Variants in CMPK2 observed in about 807,000 individuals in gnomAD.
The protein encoded by CMPK2 is UMP-CMP kinase 2, mitochondrial.
CMPK2 carries 32 observed loss-of-function variants against 33.4 expected under a neutral mutation model. The ratio of observed to expected loss-of-function variants is 0.96; its 90% CI spans 0.72 to 1.29. The LOEUF (loss-of-function observed/expected upper bound fraction) is 1.29, where lower values mean the gene tolerates loss of function less well. Among genes scored for constraint, CMPK2 ranks in the 50% most tolerant of loss-of-function variants. CMPK2 has a pLI of 0.00. For missense variants in CMPK2, 672 were observed against 616.0 expected, an observed-to-expected ratio of 1.09 and a Z score of -0.96; for synonymous variants, 299 against 275.3, an observed-to-expected ratio of 1.09 and a Z score of -0.85.
At chr2:6,845,506 C>G (rs533943171), downstream of CMPK2, among the ~76,000 whole-genome samples, 2 of 152,166 alleles carry the variant, frequency 1.3e-5, no homozygotes, top group Non-Finnish European at 2.9e-5. Context: ...ATCATAGGTG[C>G]CGCCCCATGG....
At chr2:6,843,654 C>A (rs1662285254), downstream of CMPK2, among the ~76,000 whole-genome samples, 2 of 152,148 alleles carry the variant, frequency 1.3e-5, no homozygotes. Context: ...AGGATGGTGG[C>A]TCCCATATGG....
At chr2:6,862,454 C>T (rs1479739460) in intron 2 of CMPK2, among the ~76,000 whole-genome samples, 1 of 152,224 alleles carries the variant, frequency 6.6e-6, no homozygotes, top group African/African-American at 2.4e-5. Flanking sequence ...CTCCTTGTAA[C>T]ATTTGTATGT....
chr2:6,862,935 CAT>C (rs1468914382), intron 2 of CMPK2, among the ~76,000 whole-genome samples: 1 of 152,178 alleles, frequency 6.6e-6, no homozygotes, highest in Non-Finnish European at 1.5e-5. Flanking sequence ...ACTTTGGTCT[CAT>C]GTGAGCACAC....
chr2:6,858,383 G>A (rs1391556200), intron 3 of CMPK2, among the ~76,000 whole-genome samples: 2 of 151,934 alleles, frequency 1.3e-5, no homozygotes, highest in Non-Finnish European at 2.9e-5. Flanking sequence ...ATTATTTTAT[G>A]TATTTGTTCA....
chr2:6,856,837 C>A (rs981965742), intron 3 of CMPK2, among the ~76,000 whole-genome samples: 14 of 152,222 alleles, frequency 9.2e-5, no homozygotes, highest in African/African-American at 3.4e-4. Context: ...ATGCATTGCA[C>A]AACATATTTA....
At chr2:6,866,334 C>T (rs1329503017), upstream of CMPK2, 1 of 669,972 alleles carries the variant, frequency 1.5e-6, no homozygotes, top group African/African-American at 2.0e-5. Context: ...CCTGCGGGAA[C>T]AGGGCGCAGT....
At chr2:6,845,681 A>G (rs1200152957), downstream of CMPK2, among the ~76,000 whole-genome samples, 3 of 152,238 alleles carry the variant, frequency 2.0e-5, no homozygotes, top group African/African-American at 7.2e-5. Context: ...ATTCTGTAGT[A>G]GTTGGGTTTG....
intron 4 of CMPK2, 90 bp downstream of exon 4, chr2:6,851,360 C>A (rs1037102715): frequency 3.4e-5 from 54 of 1,569,046 alleles, no homozygotes; most frequent in Non-Finnish European, 4.4e-5. Flanking sequence ...GAAACAATAT[C>A]ACTTCCTCAC....
At chr2:6,865,933 A>G, upstream of CMPK2, 1 of 1,367,254 alleles carries the variant, frequency 7.3e-7, no homozygotes, top group Non-Finnish European at 9.5e-7. Flanking sequence ...GGCGCTCGGG[A>G]GCAGACGCTT....
intron 3 of CMPK2, among the ~76,000 whole-genome samples, chr2:6,854,471 T>C (rs996031844): frequency 6.6e-6 from 1 of 152,192 alleles, no homozygotes; most frequent in Non-Finnish European, 1.5e-5. Flanking sequence ...GCTCTTTTCT[T>C]TTCATCTGAC....
chr2:6,840,803 C>T (rs989672863), intron 3 of CMPK2: 3 of 626,732 alleles, frequency 4.8e-6, no homozygotes, highest in Admixed American at 5.1e-5. Flanking sequence ...AGAACTGGGC[C>T]AGGGAGGTTA....
rs921773599 is a variant in CMPK2 at position 6,849,421 on chromosome 2, A to G, written c.*429T>C. The G allele has an allele frequency of 1.9e-5, 19 of 992,568 alleles. No homozygotes were observed. Among genetic ancestry groups the G allele is most frequent in the Non-Finnish European group, 2.3e-5 (19 of 834,856 alleles). The allele number at this position is 992,568 out of a possible 1,614,324, so 61.5% of individuals were successfully genotyped here. ...GTGCAACCAGATGTGGAAGAAGCCAATGTGGGCATGTCACGATCTCATCAG... is the reference window on the plus strand; with the variant it reads ...GTGCAACCAGATGTGGAAGAAGCCAGTGTGGGCATGTCACGATCTCATCAG... On this transcript the variant is annotated 3_prime_UTR_variant, in exon 5 of 5. Coordinates refer to ENST00000256722, the MANE Select transcript of CMPK2 (RefSeq NM_207315.4).
At chr2:6,858,612 TA>T (rs1276860131) in intron 3 of CMPK2, among the ~76,000 whole-genome samples, 10 of 152,104 alleles carry the variant, frequency 6.6e-5, no homozygotes, top group Admixed American at 5.9e-4. Context: ...CTGATGGTTT[TA>T]AAAAGGGGAG....
Position 6,849,008 on chromosome 2 carries a change from A to G in CMPK2, c.*842T>C, listed in dbSNP as rs1284976506. 1.0e-6 allele frequency: 1 copy of G among 983,916 alleles called. No homozygotes were observed. The highest frequency in any genetic ancestry group is 1.7e-5 in the African/African-American group (1 of 57,220). 60.9% of individuals were successfully genotyped at this position (983,916 alleles called of 1,614,324 possible). ...TGAATCATAGCTCCTATGCTGAGGAAACATATTATGTATAGATTAATATAA... is the reference window on the plus strand; with the variant it reads ...TGAATCATAGCTCCTATGCTGAGGAGACATATTATGTATAGATTAATATAA... On this transcript the variant is annotated 3_prime_UTR_variant, in exon 5 of 5. Transcript: ENST00000256722.
At chr2:6,851,132 G>C in intron 4 of CMPK2, 1 of 1,191,914 alleles carries the variant, frequency 8.4e-7, no homozygotes, top group Non-Finnish European at 1.1e-6. Context: ...CTAGTGCTCT[G>C]TGTGATTATA....
Position 6,863,536 on chromosome 2 carries a change from C to T in CMPK2, c.718G>A (p.Val240Ile), listed in dbSNP as rs781517675. 1.9e-6 allele frequency: 3 copies of T among 1,614,020 alleles called. No homozygotes were observed. The highest frequency in any genetic ancestry group is 3.3e-5 in the Admixed American group (2 of 59,998). ...IPEARAVLDL[V>I]DQCPKQIQKG... ...TGGATCTGTTTTGGGCACTGGTCGA[C>T]CAGGTCAAGCACTGCCCGGGCTTCA... Residue 240 changes from valine (V) to isoleucine (I), a missense_variant, in exon 2 of 5, where the codon GTC becomes ATC. Coordinates refer to ENST00000256722, the MANE Select transcript of CMPK2 (RefSeq NM_207315.4).
At chr2:6,858,914 G>A (rs1662793855) in intron 3 of CMPK2, among the ~76,000 whole-genome samples, 1 of 152,214 alleles carries the variant, frequency 6.6e-6, no homozygotes, top group African/African-American at 2.4e-5. Context: ...CTTAGAAGAA[G>A]ACAGGAAAAT....
At chr2:6,854,158 C>A (rs1192436196) in intron 3 of CMPK2, among the ~76,000 whole-genome samples, 1 of 152,190 alleles carries the variant, frequency 6.6e-6, no homozygotes, top group Admixed American at 6.5e-5. Context: ...TTTTCTTTTT[C>A]TGGTACTTAA....
chr2:6,854,249 A>T (rs1174809753), intron 3 of CMPK2, among the ~76,000 whole-genome samples: 10 of 152,210 alleles, frequency 6.6e-5, no homozygotes, highest in Admixed American at 5.9e-4. Flanking sequence ...GTCTGATATT[A>T]TCTTATTTTT....
Sources: allele counts gnomAD v4.1 joint callset (sites outside exome capture counted in the v4.1 genomes callset), GRCh38; gene constraint gnomAD v4.1.1; transcripts MANE v1.5; gene names NCBI Gene and HGNC (gene_info 2026-07-23, HGNC 2026-07-21).